Variants in VPS37A observed in about 807,000 individuals in gnomAD.
VPS37A encodes vacuolar protein sorting-associated protein 37A.
VPS37A carries 30 observed loss-of-function variants against 49.8 expected under a neutral mutation model. That is an observed-to-expected ratio of 0.60 (90% CI 0.45 to 0.82). The LOEUF (loss-of-function observed/expected upper bound fraction) is 0.82, where lower values mean the gene tolerates loss of function less well. Ranked by LOEUF, VPS37A falls within the 40% of genes least tolerant of loss-of-function variation. The pLI is 0.00. For missense variants in VPS37A, 593 were observed against 464.4 expected, an observed-to-expected ratio of 1.28 and a Z score of -2.55; for synonymous variants, 195 against 160.6, an observed-to-expected ratio of 1.21 and a Z score of -1.62.
downstream of VPS37A, chr8:17,305,837 C>G: frequency 1.2e-6 from 2 of 1,613,606 alleles, no homozygotes; most frequent in East Asian, 2.2e-5. Context: ...GAATGTGAAT[C>G]AAAAACCTCT....
At chr8:17,315,300 G>A in the VPS37A span, among the ~76,000 whole-genome samples, 30 of 152,140 alleles carry the variant, frequency 2.0e-4, no homozygotes, top group Admixed American at 1.7e-3. Context: ...GCAAAACTAC[G>A]GAGACAGTAA....
At chr8:17,299,554 G>A (rs1160606086), downstream of VPS37A, 3 of 261,970 alleles carry the variant, frequency 1.1e-5, no homozygotes, top group Non-Finnish European at 2.2e-5. Context: ...GCTATGACAA[G>A]GAAGATAGAT....
downstream of VPS37A, chr8:17,305,993 A>G (rs781037572): frequency 2.0e-6 from 3 of 1,531,712 alleles, no homozygotes; most frequent in Non-Finnish European, 2.7e-6. Context: ...TTTAAGGCAG[A>G]TTTATTTTTA....
intron 4 of VPS37A, among the ~76,000 whole-genome samples, chr8:17,273,826 T>G (rs895393421): frequency 6.6e-6 from 1 of 152,308 alleles, no homozygotes; most frequent in African/African-American, 2.4e-5. Context: ...GGTTATGTCA[T>G]TAAATGAAAT....
At chr8:17,267,427 C>A (rs1813571852) in intron 2 of VPS37A, among the ~76,000 whole-genome samples, 1 of 151,664 alleles carries the variant, frequency 6.6e-6, no homozygotes, top group South Asian at 2.1e-4. Context: ...ACTCACTAAT[C>A]TTGGTTTTGT....
At chr8:17,278,794 G>A (rs908577459) in intron 6 of VPS37A, among the ~76,000 whole-genome samples, 1 of 151,968 alleles carries the variant, frequency 6.6e-6, no homozygotes, top group Non-Finnish European at 1.5e-5. Flanking sequence ...TCTGGGTGTT[G>A]ATATAACTTA....
the VPS37A span, chr8:17,309,440 T>G: frequency 1.4e-6 from 1 of 736,486 alleles, no homozygotes; most frequent in Non-Finnish European, 2.4e-6. Context: ...CATCCTCGAG[T>G]AACCTGCAAA....
intron 10 of VPS37A, among the ~76,000 whole-genome samples, chr8:17,285,573 A>C (rs1354216357): frequency 6.6e-6 from 1 of 152,224 alleles, no homozygotes; most frequent in African/African-American, 2.4e-5. Context: ...AACATCTGTG[A>C]GACATACACA....
At chr8:17,282,118 A>G (rs1007339721) in intron 9 of VPS37A, among the ~76,000 whole-genome samples, 1 of 151,962 alleles carries the variant, frequency 6.6e-6, no homozygotes, top group African/African-American at 2.4e-5. Context: ...AATGAAAAAA[A>G]CTCCCTTTCC....
chr8:17,249,920 G>T (rs73200923), intron 1 of VPS37A, among the ~76,000 whole-genome samples: 11,800 of 152,262 alleles, frequency 0.077, 622 homozygotes, highest in South Asian at 0.19. Flanking sequence ...GTAGAAATGT[G>T]ATTGGACAAA....
chr8:17,254,625 TTTTC>T (rs1812269852), intron 1 of VPS37A, among the ~76,000 whole-genome samples: 1 of 152,124 alleles, frequency 6.6e-6, no homozygotes, highest in Admixed American at 6.5e-5. Flanking sequence ...TTTACTTTCT[TTTTC>T]TTCTTTTTTT....
At chr8:17,325,841 C>T in the VPS37A span, among the ~76,000 whole-genome samples, 1 of 152,294 alleles carries the variant, frequency 6.6e-6, no homozygotes, top group South Asian at 2.1e-4. Flanking sequence ...AGGCATGGGG[C>T]CTACCAAATA....
intron 4 of VPS37A, among the ~76,000 whole-genome samples, chr8:17,271,183 C>G (rs1379967062): frequency 1.3e-5 from 2 of 152,166 alleles, no homozygotes; most frequent in African/African-American, 4.8e-5. Flanking sequence ...TAAAATGTAG[C>G]CCTTGTTTCC....
Position 17,274,853 on chromosome 8 carries a change from T to G in VPS37A, c.537T>G (p.Val179=). The G allele has an allele frequency of 6.2e-7, 1 of 1,614,186 alleles. No individual in the cohort carries two copies. The highest frequency in any genetic ancestry group is 8.5e-7 in the Non-Finnish European group (1 of 1,180,022). Residue 179 remains valine, a synonymous_variant, in exon 5 of 12, where the codon GTT becomes GTG. Transcript: ENST00000324849. Reference sequence around the variant, plus strand: ...CTTCTTTATCTGTTGCTGACACTGTTTCTTCTTCAACAACAAGTCATACCA... The same window carrying G: ...CTTCTTTATCTGTTGCTGACACTGTGTCTTCTTCAACAACAAGTCATACCA... The part of the protein sequence containing the change: ...SITSLSVADT[V]SSSTTSHTTA...
the VPS37A span, among the ~76,000 whole-genome samples, chr8:17,320,770 C>G: frequency 4.6e-5 from 7 of 152,202 alleles, no homozygotes; most frequent in African/African-American, 1.7e-4. Flanking sequence ...TCACTTCTGC[C>G]TATGCACGCG....
chr8:17,255,492 A>ATGTGTGTG (rs138387332), intron 1 of VPS37A, among the ~76,000 whole-genome samples: 81 of 150,990 alleles, frequency 5.4e-4, no homozygotes, highest in Non-Finnish European at 1.0e-3. Context: ...AAATATATAT[A>ATGTGTGTG]TGTGTGTGTG....
At chr8:17,267,215 G>A (rs911673260) in intron 2 of VPS37A, among the ~76,000 whole-genome samples, 1 of 152,122 alleles carries the variant, frequency 6.6e-6, no homozygotes, top group African/African-American at 2.4e-5. Flanking sequence ...AAATGAAGTA[G>A]TTTTATCTCT....
At chr8:17,328,259 C>A in the VPS37A span, among the ~76,000 whole-genome samples, 1 of 152,122 alleles carries the variant, frequency 6.6e-6, no homozygotes, top group Non-Finnish European at 1.5e-5. Flanking sequence ...ACACCCTCAA[C>A]AAGTGGAGAG....
chr8:17,286,767 C>G (rs1463588801), intron 11 of VPS37A, among the ~76,000 whole-genome samples: 2 of 152,120 alleles, frequency 1.3e-5, no homozygotes, highest in African/African-American at 4.8e-5. Flanking sequence ...GCTCCTTTGT[C>G]ATTTCTTCCT....
Sources: allele counts gnomAD v4.1 joint callset (sites outside exome capture counted in the v4.1 genomes callset), GRCh38; gene constraint gnomAD v4.1.1; transcripts MANE v1.5; gene names NCBI Gene and HGNC (gene_info 2026-07-23, HGNC 2026-07-21).